LRRC37A2: variants seen among roughly 807,000 people sequenced by gnomAD.
LRRC37A2 encodes leucine rich repeat containing 37 member A2.
In LRRC37A2, 9 loss-of-function variants were observed where a neutral mutation model predicts 68.8. That is an observed-to-expected ratio of 0.13 (90% CI 0.08 to 0.23). The LOEUF (loss-of-function observed/expected upper bound fraction) is 0.23. Among genes scored for constraint, LRRC37A2 ranks in the 10% least tolerant of loss-of-function variants. LRRC37A2 has a pLI of 1.00. For missense variants in LRRC37A2, 168 were observed against 950.4 expected (o/e 0.18, Z 10.82); for synonymous variants, 63 against 367.6 (o/e 0.17, Z 9.48).
the LRRC37A2 span, among the ~76,000 whole-genome samples, chr17:46,765,804 G>C: frequency 6.6e-6 from 1 of 152,194 alleles, no homozygotes; most frequent in Non-Finnish European, 1.5e-5. Flanking sequence ...TCATGTGCAG[G>C]GTCTCCAGTC....
chr17:46,716,468 A>G, the LRRC37A2 span, among the ~76,000 whole-genome samples: 2 of 152,126 alleles, frequency 1.3e-5, no homozygotes, highest in Admixed American at 1.3e-4. Flanking sequence ...CGTGTTAGCC[A>G]GGATGGTCTT....
chr17:46,957,078 G>A, the LRRC37A2 span, among the ~76,000 whole-genome samples: 2 of 152,178 alleles, frequency 1.3e-5, no homozygotes, highest in African/African-American at 2.4e-5. Flanking sequence ...GGAGGCCCAG[G>A]CGGGTGGATC....
the LRRC37A2 span, among the ~76,000 whole-genome samples, chr17:47,038,166 C>T: frequency 5.9e-5 from 9 of 152,024 alleles, no homozygotes; most frequent in Non-Finnish European, 1.0e-4. Flanking sequence ...GTTAGCTGAA[C>T]ATGGTGGCAC....
the LRRC37A2 span, among the ~76,000 whole-genome samples, chr17:46,960,321 A>G: frequency 1.3e-5 from 2 of 152,232 alleles, no homozygotes; most frequent in African/African-American, 4.8e-5. Flanking sequence ...TGGCATACAT[A>G]CAAACAAACA....
chr17:46,915,743 T>C, the LRRC37A2 span, among the ~76,000 whole-genome samples: 1 of 152,248 alleles, frequency 6.6e-6, no homozygotes, highest in Non-Finnish European at 1.5e-5. Flanking sequence ...TCTGTGTGGT[T>C]GGCCAAATGC....
At chr17:46,534,006 T>C (rs1393605833) in intron 6 of LRRC37A2, among the ~76,000 whole-genome samples, 2 of 123,554 alleles carry the variant, frequency 1.6e-5, no homozygotes, top group Admixed American at 7.8e-5. Flanking sequence ...TGTCCTCCAG[T>C]GTTGTGTGTG....
the LRRC37A2 span, among the ~76,000 whole-genome samples, chr17:46,600,025 A>G: frequency 2.0e-5 from 1 of 51,022 alleles, no homozygotes; most frequent in Non-Finnish European, 3.5e-5. Flanking sequence ...TGGCGCAGTC[A>G]TAGCTCACTG....
chr17:46,716,517 G>A, the LRRC37A2 span, among the ~76,000 whole-genome samples: 4 of 151,952 alleles, frequency 2.6e-5, no homozygotes, highest in African/African-American at 7.3e-5. Context: ...TCAGCCTCCC[G>A]AAGTGCTGGA....
chr17:46,801,799 C>T, the LRRC37A2 span, among the ~76,000 whole-genome samples: 2 of 152,138 alleles, frequency 1.3e-5, no homozygotes, highest in Admixed American at 1.3e-4. Flanking sequence ...CACTGTGGGT[C>T]TGCCAAGGGA....
chr17:46,883,763 G>A, the LRRC37A2 span, among the ~76,000 whole-genome samples: 1 of 152,194 alleles, frequency 6.6e-6, no homozygotes, highest in South Asian at 2.1e-4. Flanking sequence ...AGGGCGACTG[G>A]TGGCATCTTC....
intron 11 of LRRC37A2, among the ~76,000 whole-genome samples, chr17:46,551,261 G>A (rs1307611651): frequency 1.3e-5 from 2 of 149,356 alleles, no homozygotes; most frequent in East Asian, 3.9e-4. Flanking sequence ...GCCCATTCCT[G>A]GAGCTTGCCT....
the LRRC37A2 span, chr17:47,024,862 T>C: frequency 2.0e-5 from 12 of 600,522 alleles, no homozygotes; most frequent in Non-Finnish European, 3.6e-5. Flanking sequence ...AATTCTGCAA[T>C]TCTGTAAGTT....
At chr17:46,942,782 G>A in the LRRC37A2 span, among the ~76,000 whole-genome samples, 2 of 152,236 alleles carry the variant, frequency 1.3e-5, no homozygotes, top group Non-Finnish European at 1.5e-5. Context: ...TAGAAGCTGA[G>A]AAAGGAAAGT....
chr17:47,028,277 T>A, the LRRC37A2 span: 1 of 1,471,260 alleles, frequency 6.8e-7, no homozygotes, highest in South Asian at 1.2e-5. Flanking sequence ...TTTTTTTTTT[T>A]AGAAATCTTA....
chr17:46,708,939 C>T, the LRRC37A2 span, among the ~76,000 whole-genome samples: 1 of 150,716 alleles, frequency 6.6e-6, no homozygotes, highest in Admixed American at 6.6e-5. Flanking sequence ...ATTCTCCTGC[C>T]TCAGCTTCCT....
At chr17:46,753,711 C>T in the LRRC37A2 span, among the ~76,000 whole-genome samples, 3 of 152,100 alleles carry the variant, frequency 2.0e-5, no homozygotes, top group South Asian at 2.1e-4. Flanking sequence ...CAAGTTAATG[C>T]TTCTTATGCA....
the LRRC37A2 span, among the ~76,000 whole-genome samples, chr17:47,016,370 G>A: frequency 4.0e-5 from 6 of 149,202 alleles, no homozygotes; most frequent in East Asian, 7.9e-4. Context: ...AGGTAAGAAC[G>A]GCTGTGGGGG....
the LRRC37A2 span, among the ~76,000 whole-genome samples, chr17:46,997,970 GAAAAA>G: frequency 8.9e-4 from 122 of 136,600 alleles, 1 homozygote; most frequent in African/African-American, 9.7e-4. Context: ...AACTCCATCT[GAAAAA>G]AAAAAAAAAA....
At chr17:46,827,898 G>A in the LRRC37A2 span, among the ~76,000 whole-genome samples, 43 of 149,948 alleles carry the variant, frequency 2.9e-4, no homozygotes, top group African/African-American at 9.6e-4. Flanking sequence ...CAAGCTCCGC[G>A]CCCCAGGTTC....
Sources: allele counts gnomAD v4.1 joint callset (sites outside exome capture counted in the v4.1 genomes callset), GRCh38; gene constraint gnomAD v4.1.1; transcripts MANE v1.5; gene names NCBI Gene and HGNC (gene_info 2026-07-23, HGNC 2026-07-21).